The following PCDH11X variants were observed in gnomAD, a reference collection of about 807,000 sequenced individuals.
PCDH11X encodes protocadherin 11 X-linked.
Under a neutral mutation model 53.3 loss-of-function variants are expected in PCDH11X, and 18 were observed. That is an observed-to-expected ratio of 0.34 (90% CI 0.23 to 0.50). The LOEUF (loss-of-function observed/expected upper bound fraction) is 0.50. Among genes scored for constraint, PCDH11X ranks in the 20% least tolerant of loss-of-function variants. The pLI is 0.98. For missense variants in PCDH11X, 570 were observed against 1,032.4 expected, an observed-to-expected ratio of 0.55 and a Z score of 6.14; for synonymous variants, 279 against 393.3, an observed-to-expected ratio of 0.71 and a Z score of 3.44.
chrX:91,820,410 C>A (rs1936623321), intron 4 of PCDH11X, among the ~76,000 whole-genome samples: 1 of 85,699 alleles, frequency 1.2e-5, no homozygotes, highest in African/African-American at 5.8e-5. Context: ...ATTTGCATTT[C>A]TCTGATGGCC....
chrX:92,164,446 T>C lies in PCDH11X; in HGVS notation c.3034-36929T>C, dbSNP rs753064946. Among the ~76,000 whole-genome samples, 4 of 112,372 alleles carry C rather than the reference T, an allele frequency of 3.6e-5. No homozygotes were observed. In the South Asian group the frequency reaches 1.5e-3, roughly 41 times the overall value. On this transcript the variant is annotated intron_variant, in intron 6 of 10. Transcript: ENST00000682573. ...TGAGAAGTAATTCTATTTTGTTGTA[T>C]ATTGTTTCACTAGAAATGATCTGAG...
intron 6 of PCDH11X, among the ~76,000 whole-genome samples, chrX:92,134,892 T>G: frequency 9.1e-6 from 1 of 109,975 alleles, no homozygotes; most frequent in Non-Finnish European, 1.9e-5. Flanking sequence ...ATCAGCAAGG[T>G]CTTTATGACC....
intron 8 of PCDH11X, among the ~76,000 whole-genome samples, chrX:92,311,236 T>C (rs2068943432): frequency 1.8e-5 from 2 of 109,866 alleles, no homozygotes; most frequent in South Asian, 8.0e-4. Flanking sequence ...GTTTTCTGCT[T>C]TCAAGTCAGT....
At chrX:91,949,963 A>T (rs1462776602) in intron 6 of PCDH11X, among the ~76,000 whole-genome samples, 2 of 109,038 alleles carry the variant, frequency 1.8e-5, no homozygotes, top group African/African-American at 6.6e-5. Context: ...TAGATGGGCC[A>T]ATAATAAGAG....
At chrX:92,507,300 C>T (rs1405878346) in intron 10 of PCDH11X, among the ~76,000 whole-genome samples, 1 of 110,403 alleles carries the variant, frequency 9.1e-6, no homozygotes, top group African/African-American at 3.3e-5. Flanking sequence ...TTCTAGTTCT[C>T]TAGGCGTGAT....
intron 6 of PCDH11X, among the ~76,000 whole-genome samples, chrX:92,094,133 ATGTGTGTG>A (rs58997781): frequency 0.043 from 4,034 of 93,979 alleles, 121 homozygotes; most frequent in African/African-American, 0.09. Context: ...AAAAAGTAAT[ATGTGTGTG>A]TGTGTGTGTG....
At chrX:92,241,240 T>A (rs888969632) in intron 7 of PCDH11X, among the ~76,000 whole-genome samples, 1 of 111,747 alleles carries the variant, frequency 8.9e-6, no homozygotes, top group African/African-American at 3.3e-5. Context: ...CTGGCTTTGA[T>A]GTTTATTGAA....
intron 6 of PCDH11X, among the ~76,000 whole-genome samples, chrX:92,174,378 G>GC (rs2065872610): frequency 9.0e-6 from 1 of 111,484 alleles, no homozygotes; most frequent in African/African-American, 3.3e-5. Context: ...TTGGAACGGA[G>GC]GCTACCAAAG....
chrX:91,801,130 T>A (rs1312688685), intron 1 of PCDH11X, among the ~76,000 whole-genome samples: 4 of 91,350 alleles, frequency 4.4e-5, no homozygotes, highest in Non-Finnish European at 6.4e-5. Context: ...CAGTGAACCA[T>A]GATCATGCCA....
At chrX:91,857,467 A>T (rs1228371689) in intron 5 of PCDH11X, among the ~76,000 whole-genome samples, 1 of 111,501 alleles carries the variant, frequency 9.0e-6, no homozygotes, top group Admixed American at 9.5e-5. Flanking sequence ...TTATTTCAAC[A>T]TTAACTCAAA....
intron 6 of PCDH11X, among the ~76,000 whole-genome samples, chrX:91,926,905 ATTCT>A (rs1352266125): frequency 4.5e-5 from 5 of 110,462 alleles, no homozygotes; most frequent in African/African-American, 1.6e-4. Flanking sequence ...ACTAGAACTT[ATTCT>A]TTCTTTCTAG....
intron 8 of PCDH11X, among the ~76,000 whole-genome samples, chrX:92,277,912 C>T (rs1026687579): frequency 2.7e-5 from 3 of 111,249 alleles, no homozygotes; most frequent in African/African-American, 6.5e-5. Flanking sequence ...CGGGACTTGC[C>T]GCTAAGGGTG....
intron 6 of PCDH11X, among the ~76,000 whole-genome samples, chrX:91,934,010 T>C (rs1000561982): frequency 9.0e-5 from 10 of 111,324 alleles, no homozygotes; most frequent in Non-Finnish European, 1.9e-4. Context: ...AAGTTGTGGT[T>C]AAGGATATGT....
At chrX:92,394,797 T>G (rs1184916730) in intron 9 of PCDH11X, among the ~76,000 whole-genome samples, 2 of 111,851 alleles carry the variant, frequency 1.8e-5, no homozygotes, top group Non-Finnish European at 3.8e-5. Flanking sequence ...TTTATAAATT[T>G]TAATGAGTGA....
At chrX:92,613,098 T>G (rs1357541026) in intron 10 of PCDH11X, among the ~76,000 whole-genome samples, 1 of 110,118 alleles carries the variant, frequency 9.1e-6, no homozygotes, top group East Asian at 2.9e-4. Flanking sequence ...TCAGGCCATT[T>G]AAATTCAAGG....
rs866081047 is a variant in PCDH11X at position 92,325,160 on chromosome X, G to C, written c.3144+62017G>C. 6.6e-3 allele frequency among the ~76,000 whole-genome samples: 730 copies of C among 110,715 alleles called. 6 individuals are homozygous for C. The highest frequency in any genetic ancestry group is 0.028 in the Middle Eastern group (6 of 215). On this transcript the variant is annotated intron_variant, in intron 8 of 10. Coordinates refer to ENST00000682573, the MANE Select transcript of PCDH11X (RefSeq NM_032968.5). ...ATTACTTGGAACAAAAAGATAACTC[G>C]TTGAGAAGGATAGAAACTGAACAAT...
intron 6 of PCDH11X, among the ~76,000 whole-genome samples, chrX:91,973,764 G>C (rs1022870085): frequency 1.9e-5 from 2 of 106,139 alleles, no homozygotes; most frequent in Non-Finnish European, 3.9e-5. Flanking sequence ...ATAGGTGCCC[G>C]CCACCATGCC....
chrX:92,509,661 C>T (rs2074129070), intron 10 of PCDH11X, among the ~76,000 whole-genome samples: 1 of 111,486 alleles, frequency 9.0e-6, no homozygotes, highest in Admixed American at 9.6e-5. Flanking sequence ...AGAAGGGCAA[C>T]ATGACATATG....
intron 10 of PCDH11X, among the ~76,000 whole-genome samples, chrX:92,544,997 G>A (rs2074822193): frequency 9.0e-6 from 1 of 111,333 alleles, no homozygotes; most frequent in Non-Finnish European, 1.9e-5. Flanking sequence ...CAGATTCTAT[G>A]ATTCCTTTAA....
Sources: allele counts gnomAD v4.1 joint callset (sites outside exome capture counted in the v4.1 genomes callset), GRCh38; gene constraint gnomAD v4.1.1; transcripts MANE v1.5; gene names NCBI Gene and HGNC (gene_info 2026-07-23, HGNC 2026-07-21).